Variants in HECW2 observed in about 807,000 individuals in gnomAD.
HECW2 encodes E3 ubiquitin-protein ligase HECW2.
In HECW2, 61 loss-of-function variants were observed where a neutral mutation model predicts 175.2. The ratio of observed to expected loss-of-function variants is 0.35; its 90% CI spans 0.28 to 0.43. HECW2 has a LOEUF of 0.43. Among genes scored for constraint, HECW2 ranks in the 20% least tolerant of loss-of-function variants. HECW2 has a pLI of 1.00. For synonymous variants in HECW2, 671 were observed against 731.0 expected (o/e 0.92, Z 1.32); for missense variants, 1,524 against 2,000.5 (o/e 0.76, Z 4.54).
At chr2:196,202,422 T>A (rs1686893350) in intron 28 of HECW2, among the ~76,000 whole-genome samples, 2 of 152,176 alleles carry the variant, frequency 1.3e-5, no homozygotes, top group South Asian at 4.1e-4. Flanking sequence ...GGATTCTAGC[T>A]CTATCAACAA....
intron 1 of HECW2, among the ~76,000 whole-genome samples, chr2:196,472,592 T>C (rs1057382380): frequency 6.6e-6 from 1 of 151,950 alleles, no homozygotes; most frequent in Admixed American, 6.6e-5. Flanking sequence ...AGTGGATCTC[T>C]GTAGGAGGAA....
At chr2:196,519,157 TA>T (rs1688254429) in intron 1 of HECW2, among the ~76,000 whole-genome samples, 1 of 152,204 alleles carries the variant, frequency 6.6e-6, no homozygotes, top group Non-Finnish European at 1.5e-5. Context: ...ACCTCCATGC[TA>T]TAGGTGAGGA....
At chr2:196,543,770 G>A (rs1398463638) in intron 1 of HECW2, among the ~76,000 whole-genome samples, 2 of 152,008 alleles carry the variant, frequency 1.3e-5, no homozygotes, top group Non-Finnish European at 2.9e-5. Flanking sequence ...GTGCCACCAC[G>A]CCCAGCTAAT....
chr2:196,531,002 C>T (rs1228135966), intron 1 of HECW2, among the ~76,000 whole-genome samples: 1 of 152,170 alleles, frequency 6.6e-6, no homozygotes, highest in Non-Finnish European at 1.5e-5. Flanking sequence ...CTTCAGTTCT[C>T]ACTTCCTCCG....
intron 1 of HECW2, among the ~76,000 whole-genome samples, chr2:196,564,838 T>C (rs1354213671): frequency 2.6e-5 from 4 of 152,122 alleles, no homozygotes; most frequent in South Asian, 2.1e-4. Flanking sequence ...CAAATTTACA[T>C]AGATTATAAT....
At chr2:196,309,080 AG>A (rs1301398867) in intron 10 of HECW2, among the ~76,000 whole-genome samples, 1 of 152,192 alleles carries the variant, frequency 6.6e-6, no homozygotes, top group Admixed American at 6.5e-5. Flanking sequence ...CAACAGACAC[AG>A]TGGGGCTAAT....
chr2:196,487,509 T>C (rs1575599037), intron 1 of HECW2, among the ~76,000 whole-genome samples: 1 of 152,126 alleles, frequency 6.6e-6, no homozygotes, highest in East Asian at 1.9e-4. Context: ...AATGTTCCAA[T>C]GTGCTGATGT....
At chr2:196,554,796 C>G (rs552129161) in intron 1 of HECW2, among the ~76,000 whole-genome samples, 4 of 152,162 alleles carry the variant, frequency 2.6e-5, no homozygotes, top group Non-Finnish European at 5.9e-5. Flanking sequence ...CCTAGAAGAA[C>G]GAAGAGCAGT....
At chr2:196,303,050 T>C (rs925497331) in intron 13 of HECW2, among the ~76,000 whole-genome samples, 1 of 152,246 alleles carries the variant, frequency 6.6e-6, no homozygotes, top group African/African-American at 2.4e-5. Flanking sequence ...GGATGTTGGT[T>C]TGCCATATAT....
chr2:196,566,345 G>T (rs1690187724), intron 1 of HECW2, among the ~76,000 whole-genome samples: 1 of 150,818 alleles, frequency 6.6e-6, no homozygotes, highest in South Asian at 2.1e-4. Context: ...CACGTATTTA[G>T]GTCTGCGCCT....
At chr2:196,547,820 G>A (rs577483601) in intron 1 of HECW2, among the ~76,000 whole-genome samples, 17 of 152,244 alleles carry the variant, frequency 1.1e-4, no homozygotes, top group East Asian at 7.7e-4. Flanking sequence ...GCTAGATTTC[G>A]TCACATGATC....
At chr2:196,230,870 G>C (rs1268371268) in intron 21 of HECW2, among the ~76,000 whole-genome samples, 2 of 152,144 alleles carry the variant, frequency 1.3e-5, no homozygotes, top group Non-Finnish European at 2.9e-5. Flanking sequence ...TTGGGAAGCT[G>C]AGGCAGGCGG....
chr2:196,211,867 G>C (rs948445993), intron 28 of HECW2, among the ~76,000 whole-genome samples: 7 of 152,106 alleles, frequency 4.6e-5, no homozygotes, highest in African/African-American at 1.7e-4. Flanking sequence ...TTTTGAGACA[G>C]AGTCTTGCTC....
rs762521126 is a variant in HECW2, at chr2:196,322,062, G to A, written c.884+416C>T. Among the ~76,000 whole-genome samples the A allele has an allele frequency of 3.4e-4, 52 of 152,276 alleles. 1 individual carries two copies. The highest frequency in any genetic ancestry group is 1.6e-3 in the Admixed American group (24 of 15,302). On this transcript the variant is annotated intron_variant, in intron 7 of 28. Coordinates refer to ENST00000644978, the MANE Select transcript of HECW2 (RefSeq NM_001348768.2). ...TAACACTTCTTCAAGTCTAGGTCTC[G>A]TTTTAAATGGCTCCAAGACAAGATT...
At chr2:196,572,967 G>C (rs1274879064) in intron 1 of HECW2, among the ~76,000 whole-genome samples, 2 of 152,176 alleles carry the variant, frequency 1.3e-5, no homozygotes, top group African/African-American at 2.4e-5. Flanking sequence ...AGCTGACTAA[G>C]ACGTGTATAT....
In HECW2 at chr2:196,271,216, ATCAG is replaced by A. The variant is rs1316528903; in HGVS notation, c.3308_3311del (p.Pro1103LeufsTer36). On this transcript the variant is annotated frameshift_variant, in exon 17 of 29. Coordinates refer to ENST00000644978, the MANE Select transcript of HECW2 (RefSeq NM_001348768.2). LOFTEE classifies it high-confidence loss of function. ...ACCTGAGTGAGTGATTCCTGGTAAGATCAGGTTGACGCTCCTGTAGAATTTCAAA... is the reference window on the plus strand; with the variant it reads ...ACCTGAGTGAGTGATTCCTGGTAAGAGTTGACGCTCCTGTAGAATTTCAAA... 1 of 1,607,154 alleles carries A rather than the reference ATCAG, an allele frequency of 6.2e-7. No homozygotes were observed. Among genetic ancestry groups the A allele is most frequent in the Non-Finnish European group, 8.5e-7 (1 of 1,173,748 alleles).
intron 1 of HECW2, among the ~76,000 whole-genome samples, chr2:196,453,141 G>A (rs1696399105): frequency 1.3e-5 from 2 of 152,172 alleles, no homozygotes; most frequent in Non-Finnish European, 2.9e-5. Flanking sequence ...ACATAAGAAA[G>A]AAGGGGTAGG....
intron 2 of HECW2, among the ~76,000 whole-genome samples, chr2:196,344,886 G>C (rs896718411): frequency 6.6e-6 from 1 of 152,146 alleles, no homozygotes; most frequent in Non-Finnish European, 1.5e-5. Flanking sequence ...GTCCTGAGGA[G>C]AAAAACCTTT....
intron 2 of HECW2, among the ~76,000 whole-genome samples, chr2:196,356,248 T>C (rs1559063676): frequency 6.6e-6 from 1 of 152,234 alleles, no homozygotes; most frequent in Non-Finnish European, 1.5e-5. Context: ...CTATTATCTA[T>C]AAAATTTTTA....
Sources: allele counts gnomAD v4.1 joint callset (sites outside exome capture counted in the v4.1 genomes callset), GRCh38; gene constraint gnomAD v4.1.1; transcripts MANE v1.5; gene names NCBI Gene and HGNC (gene_info 2026-07-23, HGNC 2026-07-21).